Variants in IGF1R observed in about 807,000 individuals in gnomAD.
IGF1R encodes insulin like growth factor 1 receptor.
In IGF1R, 44 loss-of-function variants were observed where a neutral mutation model predicts 144.6. That is an observed-to-expected ratio of 0.30 (90% CI 0.24 to 0.39). IGF1R has a LOEUF of 0.39. IGF1R is among the 10% of genes least tolerant of loss of function. IGF1R has a pLI of 1.00. For missense variants in IGF1R, 1,355 were observed against 1,833.7 expected, an observed-to-expected ratio of 0.74 and a Z score of 4.77; for synonymous variants, 795 against 722.8, an observed-to-expected ratio of 1.10 and a Z score of -1.60.
chr15:98,964,249 C>G lies in IGF1R; in HGVS notation c.*6807C>G, dbSNP rs1029698407. On this transcript the variant is annotated 3_prime_UTR_variant, in exon 21 of 21. Coordinates refer to ENST00000650285, the MANE Select transcript of IGF1R (RefSeq NM_000875.5). ...AAGAAAAAAAAAGGTAATAACATGG[C>G]CAATTTGTTACATAAAATGACTTTC... 3.4e-5 allele frequency: 8 copies of G among 232,210 alleles called. No homozygotes were observed. The highest frequency in any genetic ancestry group is 1.8e-4 in the African/African-American group (8 of 45,166). 14.4% of individuals were successfully genotyped at this position (232,210 alleles called of 1,614,324 possible).
At chr15:98,717,274 G>C (rs1244320546) in intron 2 of IGF1R, among the ~76,000 whole-genome samples, 6 of 152,064 alleles carry the variant, frequency 3.9e-5, no homozygotes, top group African/African-American at 1.4e-4. Context: ...GACAGTATTT[G>C]AAAAGCATCT....
In IGF1R at chr15:98,891,263, G is replaced by GTGC; in HGVS notation, c.641-62_641-61insTGC. 6.6e-7 allele frequency: 1 copy of GTGC among 1,510,798 alleles called. No homozygotes were observed. Among genetic ancestry groups the GTGC allele is most frequent in the South Asian group, 1.2e-5 (1 of 86,624 alleles). The allele number at this position is 1,510,798 out of a possible 1,614,324, so 93.6% of individuals were successfully genotyped here. Reference sequence around the variant, plus strand: ...AATGACCCAGAAGGATGCTGGCCAGGCCCAGAGAAGGCGGTGCCTCCCCTG... The same window carrying GTGC: ...AATGACCCAGAAGGATGCTGGCCAGGTGCCCCAGAGAAGGCGGTGCCTCCCCTG... On this transcript the variant is annotated intron_variant, in intron 2 of 20. Transcript: ENST00000650285. This position sits in a 1 kb window ranked among gnomAD's most constrained non-coding sequence, Gnocchi z 4.7.
At chr15:98,777,617 G>T (rs57450046) in intron 2 of IGF1R, among the ~76,000 whole-genome samples, 21,355 of 152,260 alleles carry the variant, frequency 0.14, 1,540 homozygotes, top group Middle Eastern at 0.19. Flanking sequence ...AATGACCCCT[G>T]TGGGGGCTGT....
At position 98,759,213 on chromosome 15, in the gene IGF1R, T is replaced by G. The variant is rs544769493; in HGVS notation, c.640+51106T>G. On this transcript the variant is annotated intron_variant, in intron 2 of 20. Coordinates refer to ENST00000650285, the MANE Select transcript of IGF1R (RefSeq NM_000875.5). ...GCTGGAAAACTTGGGACAAAATGCCTAGCCAGCTTGGCCCAAATTTGAGGG... is the reference window on the plus strand; with the variant it reads ...GCTGGAAAACTTGGGACAAAATGCCGAGCCAGCTTGGCCCAAATTTGAGGG... Among the ~76,000 whole-genome samples the G allele has an allele frequency of 3.3e-5, 5 of 152,322 alleles. No homozygotes were observed. The East Asian group carries it at 9.7e-4, about 29-fold the overall frequency.
At chr15:98,924,719 A>G in intron 13 of IGF1R, 35 bp downstream of exon 13, 2 of 1,589,050 alleles carry the variant, frequency 1.3e-6, no homozygotes, top group Non-Finnish European at 1.7e-6. Flanking sequence ...ACGTGGTAAA[A>G]CTGAAAGCAG....
At chr15:98,732,022 A>G (rs556536128) in intron 2 of IGF1R, among the ~76,000 whole-genome samples, 204 of 152,236 alleles carry the variant, frequency 1.3e-3, no homozygotes, top group Non-Finnish European at 2.4e-3. Context: ...TTCAGCAAAC[A>G]TTTGCTGATT....
At chr15:98,693,560 G>A (rs1019007056) in intron 1 of IGF1R, among the ~76,000 whole-genome samples, 9 of 152,148 alleles carry the variant, frequency 5.9e-5, no homozygotes, top group South Asian at 2.1e-4. Context: ...CTTTTGGGTC[G>A]TCTCCACCTC....
chr15:98,655,945 G>A (rs149729083), intron 1 of IGF1R, among the ~76,000 whole-genome samples: 1 of 152,150 alleles, frequency 6.6e-6, no homozygotes, highest in African/African-American at 2.4e-5. Context: ...CACTCACCTC[G>A]GCCTCCCGGA....
intron 15 of IGF1R, among the ~76,000 whole-genome samples, chr15:98,933,271 T>A (rs7178478): frequency 0.13 from 19,378 of 152,268 alleles, 3,018 homozygotes; most frequent in African/African-American, 0.37. Flanking sequence ...TGGTTTTGTT[T>A]TCTTTCTTTC....
At chr15:98,916,270 T>TG (rs2015243901) in intron 9 of IGF1R, 139 bp downstream of exon 9, 1 of 882,602 alleles carries the variant, frequency 1.1e-6, no homozygotes, top group African/African-American at 1.7e-5. Context: ...GGTTTTTTTT[T>TG]TTTTTTTTTG....
intron 19 of IGF1R, 120 bp from the exon 20 acceptor site, chr15:98,948,454 C>A: frequency 1.9e-6 from 2 of 1,046,448 alleles, no homozygotes; most frequent in Non-Finnish European, 3.0e-6. Flanking sequence ...GTCTGACAAG[C>A]ACTGTCACCA....
intron 1 of IGF1R, among the ~76,000 whole-genome samples, chr15:98,694,736 G>C (rs192010443): frequency 1.3e-5 from 2 of 152,260 alleles, no homozygotes; most frequent in Non-Finnish European, 2.9e-5. Flanking sequence ...TTCTGGTGGG[G>C]TGGAAACTTT....
intron 5 of IGF1R, among the ~76,000 whole-genome samples, chr15:98,906,428 C>T (rs1284845390): frequency 1.3e-5 from 2 of 152,220 alleles, no homozygotes; most frequent in Non-Finnish European, 2.9e-5. Flanking sequence ...TGCATCGCTG[C>T]AGTCTCCTTT....
chr15:98,743,167 G>A (rs1386592405), intron 2 of IGF1R, among the ~76,000 whole-genome samples: 1 of 152,184 alleles, frequency 6.6e-6, no homozygotes, highest in African/African-American at 2.4e-5. Flanking sequence ...AAATTAGATG[G>A]ATTTAAACAT....
At chr15:98,923,274 G>A (rs559231655) in intron 11 of IGF1R, among the ~76,000 whole-genome samples, 1 of 152,280 alleles carries the variant, frequency 6.6e-6, no homozygotes, top group Non-Finnish European at 1.5e-5. Context: ...CGCTGGAGGA[G>A]TTGGTGCCGG....
intron 1 of IGF1R, among the ~76,000 whole-genome samples, chr15:98,683,921 G>A (rs1336422928): frequency 6.6e-6 from 1 of 152,160 alleles, no homozygotes; most frequent in Non-Finnish European, 1.5e-5. Context: ...GTAATGAAAT[G>A]TGAGTGTCCT....
rs2053809953 is a variant in IGF1R at position 98,704,343 on chromosome 15, C to T, written c.95-3219C>T. 2.6e-5 allele frequency among the ~76,000 whole-genome samples: 4 copies of T among 151,972 alleles called. No individual in the cohort carries two copies. The South Asian group carries it at 8.3e-4, about 32-fold the overall frequency. On this transcript the variant is annotated intron_variant, in intron 1 of 20. Transcript: ENST00000650285. This position sits in a 1 kb window ranked among gnomAD's most constrained non-coding sequence, Gnocchi z 4.9. ...TGAGGAGGTGACGTTTGAGTGGAGA[C>T]CCAGATGGCTAGAGAATGGGGCAGC... is the stretch of plus-strand genomic sequence containing the variant.
chr15:98,768,122 C>G (rs896852026), intron 2 of IGF1R, among the ~76,000 whole-genome samples: 1 of 152,180 alleles, frequency 6.6e-6, no homozygotes, highest in African/African-American at 2.4e-5. Context: ...TGGCTGCCAA[C>G]TAAAAAGCCT....
intron 2 of IGF1R, among the ~76,000 whole-genome samples, chr15:98,840,686 T>C (rs2011158637): frequency 6.6e-6 from 1 of 150,940 alleles, no homozygotes; most frequent in Admixed American, 6.6e-5. Flanking sequence ...TGTTTTTTTT[T>C]TTTTTTTGAG....
Sources: allele counts gnomAD v4.1 joint callset (sites outside exome capture counted in the v4.1 genomes callset), GRCh38; gene constraint gnomAD v4.1.1; non-coding constraint Gnocchi (gnomAD v3.1); transcripts MANE v1.5; gene names NCBI Gene and HGNC (gene_info 2026-07-23, HGNC 2026-07-21).